PRDM10: variants seen among roughly 807,000 people sequenced by gnomAD.
The protein encoded by PRDM10 is PR domain zinc finger protein 10.
In PRDM10, 65 loss-of-function variants were observed where a neutral mutation model predicts 133.1. That is an observed-to-expected ratio of 0.49 (90% CI 0.40 to 0.60). The LOEUF is 0.60. Ranked by LOEUF, PRDM10 falls within the 20% of genes least tolerant of loss-of-function variation. PRDM10 has a pLI of 0.00. For missense variants in PRDM10, 1,137 were observed against 1,507.1 expected, an observed-to-expected ratio of 0.75 and a Z score of 4.07; for synonymous variants, 582 against 580.4, an observed-to-expected ratio of 1.00 and a Z score of -0.04.
intron 7 of PRDM10, 89 bp downstream of exon 7, chr11:129,942,337 C>G (rs1951236839): frequency 7.4e-7 from 1 of 1,354,940 alleles, no homozygotes; most frequent in South Asian, 1.4e-5. Flanking sequence ...TTTTGTTAAA[C>G]AAACCCACTT....
chr11:129,948,843 C>T (rs919774949), intron 4 of PRDM10, among the ~76,000 whole-genome samples: 3 of 152,274 alleles, frequency 2.0e-5, no homozygotes, highest in African/African-American at 7.2e-5. Flanking sequence ...TTAGTGTTTA[C>T]GTTGGCCACG....
Position 129,923,546 on chromosome 11 carries a change from A to T in PRDM10, c.1879-143T>A. The T allele has an allele frequency of 1.2e-6, 1 of 828,922 alleles. No homozygotes were observed. The highest frequency in any genetic ancestry group is 1.8e-6 in the Non-Finnish European group (1 of 557,768). The allele number at this position is 828,922 out of a possible 1,614,324, so 51.3% of individuals were successfully genotyped here. On this transcript the variant is annotated intron_variant, in intron 12 of 20. Coordinates refer to ENST00000360871, the MANE Select transcript of PRDM10 (RefSeq NM_199437.2). This position sits in a 1 kb window ranked among gnomAD's most constrained non-coding sequence, Gnocchi z 4.4. ...GCCGAGGAATCCAATCAGATGTGAT[A>T]ATTGGCCTCAATAACACATACTGTC...
At chr11:129,912,051 A>G in intron 18 of PRDM10, 34 bp downstream of exon 18, 1 of 1,542,394 alleles carries the variant, frequency 6.5e-7, no homozygotes, top group Non-Finnish European at 8.8e-7. Context: ...TGAAGCCATG[A>G]TAACACCTCC....
intron 1 of PRDM10, among the ~76,000 whole-genome samples, chr11:129,989,036 G>A (rs145888654): frequency 2.2e-4 from 34 of 152,262 alleles, no homozygotes; most frequent in Middle Eastern, 3.4e-3. Context: ...GTAAGGATGG[G>A]GCTATAAAAG....
intron 1 of PRDM10, among the ~76,000 whole-genome samples, chr11:129,983,423 T>C (rs1277808133): frequency 6.6e-6 from 1 of 151,784 alleles, no homozygotes. Flanking sequence ...GCCTCCCGAG[T>C]AGCTGGTACT....
Position 129,918,452 on chromosome 11 carries a change from G to C in PRDM10, c.2214+87C>G. 6.8e-7 allele frequency: 1 copy of C among 1,463,310 alleles called. No individual in the cohort carries two copies. The highest frequency in any genetic ancestry group is 9.2e-7 in the Non-Finnish European group (1 of 1,086,718). 90.6% of individuals were successfully genotyped at this position (1,463,310 alleles called of 1,614,324 possible). On this transcript the variant is annotated intron_variant, in intron 14 of 20. Transcript: ENST00000360871. The surrounding 1 kb of genome is among the most constrained non-coding windows in gnomAD (Gnocchi z 5.3). ...AAAACCATTGATCGATATAACTTAG[G>C]ACACAATGCAACACAAACGTCACCA...
chr11:129,947,829 T>G lies in PRDM10; in HGVS notation c.295-459A>C, dbSNP rs566606657. ...GTAAGCAACAGACCGTTTCGATGTG[T>G]GCACATGTGAGGTATCATCAGTTTC... On this transcript the variant is annotated intron_variant, in intron 4 of 20. Transcript: ENST00000360871. The surrounding 1 kb of genome is among the most constrained non-coding windows in gnomAD (Gnocchi z 4.6). Among the ~76,000 whole-genome samples, 2 of 152,196 alleles carry G rather than the reference T, an allele frequency of 1.3e-5. No individual in the cohort carries two copies. The highest frequency in any genetic ancestry group is 2.9e-5 in the Non-Finnish European group (2 of 68,050).
chr11:130,002,005 G>A (rs905648712), intron 1 of PRDM10, among the ~76,000 whole-genome samples: 3 of 151,504 alleles, frequency 2.0e-5, no homozygotes, highest in Non-Finnish European at 4.4e-5. Flanking sequence ...CAGGCCGGGG[G>A]CCCAGCCATC....
intron 1 of PRDM10, among the ~76,000 whole-genome samples, chr11:129,995,807 G>A (rs1410491018): frequency 1.3e-5 from 2 of 152,104 alleles, no homozygotes; most frequent in African/African-American, 4.8e-5. Context: ...TTAGCCGGGT[G>A]TGATGGCGGG....
At chr11:129,991,196 T>C (rs972807849) in intron 1 of PRDM10, among the ~76,000 whole-genome samples, 23 of 152,344 alleles carry the variant, frequency 1.5e-4, no homozygotes, top group Middle Eastern at 3.4e-3. Flanking sequence ...GACCATAGGC[T>C]GTTTTAGATC....
At chr11:129,953,159 G>T (rs7934705) in intron 4 of PRDM10, among the ~76,000 whole-genome samples, 10,703 of 151,834 alleles carry the variant, frequency 0.07, 713 homozygotes, top group East Asian at 0.39. Context: ...TGTATTTTTA[G>T]TTGAGATGGA....
Position 129,918,439 on chromosome 11 carries a change from C to A in PRDM10, c.2214+100G>T. ...CCTGGACATTGACAAAACCATTGAT[C>A]GATATAACTTAGGACACAATGCAAC... On this transcript the variant is annotated intron_variant, in intron 14 of 20. Coordinates refer to ENST00000360871, the MANE Select transcript of PRDM10 (RefSeq NM_199437.2). This position sits in a 1 kb window ranked among gnomAD's most constrained non-coding sequence, Gnocchi z 5.3. 1 of 1,344,116 alleles carries A rather than the reference C, an allele frequency of 7.4e-7. No individual in the cohort carries two copies. Among genetic ancestry groups the A allele is most frequent in the African/African-American group, 1.5e-5 (1 of 67,312 alleles). 83.3% of individuals were successfully genotyped at this position (1,344,116 alleles called of 1,614,324 possible).
At chr11:129,959,274 T>C (rs982291216) in intron 2 of PRDM10, among the ~76,000 whole-genome samples, 1 of 152,250 alleles carries the variant, frequency 6.6e-6, no homozygotes, top group Non-Finnish European at 1.5e-5. Context: ...TACATAAATT[T>C]GATTTGTCTG....
intron 17 of PRDM10, among the ~76,000 whole-genome samples, chr11:129,913,812 A>G (rs1950266658): frequency 6.6e-6 from 1 of 152,210 alleles, no homozygotes; most frequent in African/African-American, 2.4e-5. Context: ...CAGAGACCAA[A>G]TGATTTCAAA....
chr11:129,920,090 C>T (rs372614376), intron 13 of PRDM10, among the ~76,000 whole-genome samples: 144 of 152,238 alleles, frequency 9.5e-4, no homozygotes, highest in African/African-American at 2.8e-3. Flanking sequence ...CCTTTTCCTC[C>T]AACTCCTCTC....
At chr11:129,969,388 C>A (rs1376660870) in intron 1 of PRDM10, among the ~76,000 whole-genome samples, 1 of 152,146 alleles carries the variant, frequency 6.6e-6, no homozygotes, top group East Asian at 1.9e-4. Flanking sequence ...AATCAGACAG[C>A]CTAGCTCCAA....
At position 129,945,900 on chromosome 11, in the gene PRDM10, T is replaced by C. The variant is rs1164070744; in HGVS notation, c.521-888A>G. ...CTACTTTGTATTAATATTTTAAAGA[T>C]AAAGTGATTTTCTGTGCATTTGACT... On this transcript the variant is annotated intron_variant, in intron 5 of 20. Transcript: ENST00000360871. This position sits in a 1 kb window ranked among gnomAD's most constrained non-coding sequence, Gnocchi z 4.2. 2.6e-5 allele frequency among the ~76,000 whole-genome samples: 4 copies of C among 152,182 alleles called. No individual in the cohort carries two copies. The East Asian group carries it at 7.7e-4, about 29-fold the overall frequency.
chr11:129,978,914 C>A (rs1937944593), intron 1 of PRDM10, among the ~76,000 whole-genome samples: 1 of 152,116 alleles, frequency 6.6e-6, no homozygotes, highest in African/African-American at 2.4e-5. Context: ...AGTTTGTTAG[C>A]GATGCATCAG....
chr11:129,985,809 A>AAAAAAAAAATATAT (rs1565512177), intron 1 of PRDM10, among the ~76,000 whole-genome samples: 1 of 61,092 alleles, frequency 1.6e-5, no homozygotes, highest in African/African-American at 8.2e-5. Flanking sequence ...AAAAAAAAAA[A>AAAAAAAAAATATAT]ATATATATAT....
Sources: allele counts gnomAD v4.1 joint callset (sites outside exome capture counted in the v4.1 genomes callset), GRCh38; gene constraint gnomAD v4.1.1; non-coding constraint Gnocchi (gnomAD v3.1); transcripts MANE v1.5; gene names NCBI Gene and HGNC (gene_info 2026-07-23, HGNC 2026-07-21).